Variants in AP3B1 observed in about 807,000 individuals in gnomAD.
AP3B1 encodes AP-3 complex subunit beta-1.
Under a neutral mutation model 132.5 loss-of-function variants are expected in AP3B1, and 61 were observed. That is an observed-to-expected ratio of 0.46 (90% CI 0.37 to 0.57). The LOEUF (loss-of-function observed/expected upper bound fraction) is 0.57. Among genes scored for constraint, AP3B1 ranks in the 20% least tolerant of loss-of-function variants. AP3B1 has a pLI of 0.00. For missense variants in AP3B1, 1,120 were observed against 1,289.4 expected, an observed-to-expected ratio of 0.87 and a Z score of 2.01; for synonymous variants, 388 against 438.3, an observed-to-expected ratio of 0.89 and a Z score of 1.43.
At position 78,233,806 on chromosome 5, in the gene AP3B1, G is replaced by A. The variant is rs189021355; in HGVS notation, c.280-5567C>T. 1.0e-4 allele frequency among the ~76,000 whole-genome samples: 15 copies of A among 150,428 alleles called. No homozygotes were observed. In the Admixed American group the frequency reaches 1.0e-3, roughly 10 times the overall value. On this transcript the variant is annotated intron_variant, in intron 3 of 26. Coordinates refer to ENST00000255194, the MANE Select transcript of AP3B1 (RefSeq NM_003664.5). ...TTTATATAACTTGCCCAAAGTCACA[G>A]AGCTAGCAAGTGCAGAATCAGGATG... is the stretch of plus-strand genomic sequence containing the variant.
intron 7 of AP3B1, among the ~76,000 whole-genome samples, chr5:78,214,445 G>C (rs955898975): frequency 7.2e-5 from 11 of 152,010 alleles, no homozygotes; most frequent in African/African-American, 2.7e-4. Flanking sequence ...TTTTTAGCAG[G>C]TATGGTAAGT....
intron 22 of AP3B1, among the ~76,000 whole-genome samples, chr5:78,051,434 T>C (rs1432482786): frequency 1.3e-5 from 2 of 152,056 alleles, no homozygotes; most frequent in Admixed American, 6.5e-5. Flanking sequence ...TTTTTTGAGA[T>C]TATTAAGATT....
chr5:78,118,702 C>T (rs1487440335), intron 17 of AP3B1, among the ~76,000 whole-genome samples: 1 of 150,592 alleles, frequency 6.6e-6, no homozygotes, highest in Non-Finnish European at 1.5e-5. Context: ...GAGCCCACCA[C>T]AGCTCAAGGA....
In AP3B1 at chr5:78,181,429, CACTT is replaced by C. The variant is rs1322255777; in HGVS notation, c.942+74_942+77del. The C allele has an allele frequency of 6.6e-6, 9 of 1,354,506 alleles. No individual in the cohort carries two copies. In the Admixed American group the frequency reaches 8.8e-5, roughly 13 times the overall value. 83.9% of individuals were successfully genotyped at this position (1,354,506 alleles called of 1,614,324 possible). On this transcript the variant is annotated intron_variant, in intron 8 of 26. Transcript: ENST00000255194. ...AATGCTCCATTAGCACACACAGACTCACTTACTAAATTGAGATATTTTTAATTGC... is the reference window on the plus strand; with the variant it reads ...AATGCTCCATTAGCACACACAGACTCACTAAATTGAGATATTTTTAATTGC...
At chr5:78,105,397 T>C (rs1751291865) in intron 20 of AP3B1, among the ~76,000 whole-genome samples, 1 of 152,168 alleles carries the variant, frequency 6.6e-6, no homozygotes, top group African/African-American at 2.4e-5. Flanking sequence ...TTATTTTAAA[T>C]AAATTTTTTC....
intron 24 of AP3B1, among the ~76,000 whole-genome samples, chr5:78,030,670 C>A (rs1366114145): frequency 1.3e-5 from 2 of 152,106 alleles, no homozygotes; most frequent in African/African-American, 4.8e-5. Context: ...TTTGTTGGGG[C>A]ACATGTTCAT....
intron 22 of AP3B1, among the ~76,000 whole-genome samples, chr5:78,052,070 C>T (rs192642269): frequency 4.6e-5 from 7 of 151,840 alleles, no homozygotes; most frequent in African/African-American, 1.5e-4. Flanking sequence ...AGCACAGACT[C>T]GAAGAAATAT....
At position 78,166,776 on chromosome 5, in the gene AP3B1, G is replaced by A. The variant is rs190265871; in HGVS notation, c.1168-1104C>T. Among the ~76,000 whole-genome samples, 515 of 152,282 alleles carry A rather than the reference G, an allele frequency of 3.4e-3. 2 individuals carry two copies. The highest frequency in any genetic ancestry group is 0.012 in the African/African-American group (490 of 41,554). On this transcript the variant is annotated intron_variant, in intron 11 of 26. Transcript: ENST00000255194. ...ATACCCTATTCAACAAATGGTGCCA[G>A]GATAATTGGCAAGCCACATGTAGTA...
At chr5:78,005,691 T>C (rs915609258) in intron 26 of AP3B1, among the ~76,000 whole-genome samples, 1 of 152,234 alleles carries the variant, frequency 6.6e-6, no homozygotes, top group African/African-American at 2.4e-5. Context: ...AGCGGAAGAC[T>C]AGAAGATCAG....
chr5:78,009,385 A>T (rs900956549), intron 26 of AP3B1, among the ~76,000 whole-genome samples: 1 of 152,018 alleles, frequency 6.6e-6, no homozygotes, highest in Non-Finnish European at 1.5e-5. Context: ...GCCTGGGCCC[A>T]GTTCAAGGTT....
intron 7 of AP3B1, among the ~76,000 whole-genome samples, chr5:78,200,231 C>G (rs1392978743): frequency 4.6e-5 from 7 of 151,658 alleles, no homozygotes; most frequent in Non-Finnish European, 1.0e-4. Context: ...GACTGCCAAG[C>G]AGGGGGAGGG....
chr5:78,066,529 A>G (rs888288341), intron 22 of AP3B1, among the ~76,000 whole-genome samples: 1 of 152,242 alleles, frequency 6.6e-6, no homozygotes, highest in Non-Finnish European at 1.5e-5. Flanking sequence ...ACCCACAAGT[A>G]TCAATAGCCA....
At chr5:78,058,178 C>T (rs990097583) in intron 22 of AP3B1, among the ~76,000 whole-genome samples, 1 of 152,112 alleles carries the variant, frequency 6.6e-6, no homozygotes, top group African/African-American at 2.4e-5. Flanking sequence ...TTTATATCTC[C>T]ATTATCTTGA....
intron 7 of AP3B1, among the ~76,000 whole-genome samples, chr5:78,185,351 T>C (rs1278438965): frequency 2.0e-5 from 3 of 152,178 alleles, no homozygotes; most frequent in African/African-American, 7.2e-5. Context: ...TAAATTATAT[T>C]AGATGGTTGA....
chr5:78,079,441 T>C (rs569258938), intron 22 of AP3B1, among the ~76,000 whole-genome samples: 1 of 152,276 alleles, frequency 6.6e-6, no homozygotes, highest in South Asian at 2.1e-4. Flanking sequence ...AGACCTACCA[T>C]GGAGCAAATA....
chr5:78,034,249 A>C, intron 24 of AP3B1, 112 bp downstream of exon 24: 1 of 823,402 alleles, frequency 1.2e-6, no homozygotes, highest in Non-Finnish European at 2.1e-6. Context: ...AGCAAAACAT[A>C]TTTGTTTAAA....
intron 2 of AP3B1, among the ~76,000 whole-genome samples, chr5:78,251,281 T>C (rs904680952): frequency 3.3e-5 from 5 of 151,960 alleles, no homozygotes; most frequent in African/African-American, 9.7e-5. Flanking sequence ...GATGGTGCAA[T>C]AGAAAGCTCC....
intron 22 of AP3B1, among the ~76,000 whole-genome samples, chr5:78,045,319 T>C (rs1353088130): frequency 1.4e-5 from 2 of 147,736 alleles, no homozygotes; most frequent in Admixed American, 1.4e-4. Flanking sequence ...AAGTGGAGGT[T>C]GCAGTGACCT....
chr5:78,231,989 A>ATAGT (rs1746667080), intron 3 of AP3B1, among the ~76,000 whole-genome samples: 1 of 152,208 alleles, frequency 6.6e-6, no homozygotes, highest in Admixed American at 6.5e-5. Flanking sequence ...TAAAATGTTA[A>ATAGT]TAGTAACTAT....
Sources: allele counts gnomAD v4.1 joint callset (sites outside exome capture counted in the v4.1 genomes callset), GRCh38; gene constraint gnomAD v4.1.1; transcripts MANE v1.5; gene names NCBI Gene and HGNC (gene_info 2026-07-23, HGNC 2026-07-21).